Variants in B3GNT5 observed in about 807,000 individuals in gnomAD.
B3GNT5 encodes UDP-GlcNAc:betaGal beta-1,3-N-acetylglucosaminyltransferase 5.
In B3GNT5, 11 loss-of-function variants were observed where a neutral mutation model predicts 25.9. That is an observed-to-expected ratio of 0.42 (90% CI 0.27 to 0.70). The LOEUF is 0.70. Ranked by LOEUF, B3GNT5 falls within the 30% of genes least tolerant of loss-of-function variation. The pLI is 0.23. For synonymous variants in B3GNT5, 166 were observed against 158.6 expected (o/e 1.05, Z -0.35); for missense variants, 385 against 458.4 (o/e 0.84, Z 1.46).
chr3:183,261,442 G>A lies in B3GNT5; in HGVS notation c.-302+7970G>A, dbSNP rs917317278. ...GGACAGGAACTAAAAACTCTCCCAC[G>A]TGGGACTTTATTAAGTAATAAAAGT... On this transcript the variant is annotated intron_variant, in intron 1 of 1. Coordinates refer to ENST00000326505, the MANE Select transcript of B3GNT5 (RefSeq NM_032047.5). 3.9e-5 allele frequency among the ~76,000 whole-genome samples: 6 copies of A among 152,212 alleles called. No homozygotes were observed. The South Asian group carries it at 6.2e-4, about 16-fold the overall frequency.
At chr3:183,253,642 C>T (rs1417563103) in intron 1 of B3GNT5, 170 bp downstream of exon 1, 1 of 152,298 alleles carries the variant, frequency 6.6e-6, no homozygotes, top group African/African-American at 2.4e-5. Context: ...TAACAAGACC[C>T]GCCTGAGCCT....
At chr3:183,268,880 G>A (rs1047974841) in intron 1 of B3GNT5, among the ~76,000 whole-genome samples, 1 of 152,022 alleles carries the variant, frequency 6.6e-6, no homozygotes, top group Non-Finnish European at 1.5e-5. Context: ...ACATTGAGGC[G>A]CCTGCTGCAT....
At chr3:183,259,412 A>T (rs1409411127) in intron 1 of B3GNT5, among the ~76,000 whole-genome samples, 1 of 152,156 alleles carries the variant, frequency 6.6e-6, no homozygotes, top group Non-Finnish European at 1.5e-5. Flanking sequence ...TATTGATAGG[A>T]GAACTTGTAT....
chr3:183,260,185 G>A (rs917748071), intron 1 of B3GNT5, among the ~76,000 whole-genome samples: 1 of 152,056 alleles, frequency 6.6e-6, no homozygotes, highest in Non-Finnish European at 1.5e-5. Context: ...CGATGCCTCA[G>A]TATCTTCTGC....
chr3:183,256,383 TA>T (rs1308353370), intron 1 of B3GNT5, among the ~76,000 whole-genome samples: 1 of 152,190 alleles, frequency 6.6e-6, no homozygotes, highest in East Asian at 1.9e-4. Flanking sequence ...TACATATATA[TA>T]GGGGATGTAA....
rs2108451669 is a variant in B3GNT5, at chr3:183,272,799, T to C, written c.*1864T>C. On this transcript the variant is annotated 3_prime_UTR_variant, in exon 2 of 2. Transcript: ENST00000326505. ...TGCCCATATATACCCTGTGTATCTA[T>C]ACTTGGAAGTGTTTAAGGTTGCCAT... 6 of 1,170,262 alleles carry C rather than the reference T, an allele frequency of 5.1e-6. No individual in the cohort carries two copies. Among genetic ancestry groups the C allele is most frequent in the Non-Finnish European group, 6.4e-6 (6 of 937,636 alleles). 72.5% of individuals were successfully genotyped at this position (1,170,262 alleles called of 1,614,324 possible).
intron 1 of B3GNT5, among the ~76,000 whole-genome samples, chr3:183,257,681 C>A (rs13094489): frequency 0.16 from 24,167 of 152,162 alleles, 2,520 homozygotes; most frequent in Middle Eastern, 0.25. Flanking sequence ...AAGACAATGT[C>A]CAGAATGGGA....
chr3:183,258,012 G>A (rs9878798), intron 1 of B3GNT5, among the ~76,000 whole-genome samples: 1 of 113,556 alleles, frequency 8.8e-6, no homozygotes, highest in African/African-American at 3.4e-5. Flanking sequence ...CTGTTGCCCA[G>A]GCTGGAGTGC....
intron 1 of B3GNT5, chr3:183,265,248 G>A (rs1725987423): frequency 6.6e-6 from 1 of 152,222 alleles, no homozygotes; most frequent in African/African-American, 2.4e-5. Context: ...TAACCCTTGA[G>A]TTTCTAGTCT....
At chr3:183,261,473 T>C (rs925022677) in intron 1 of B3GNT5, among the ~76,000 whole-genome samples, 2 of 152,152 alleles carry the variant, frequency 1.3e-5, no homozygotes, top group Admixed American at 1.3e-4. Flanking sequence ...AAAGTTTAAA[T>C]GTAAAAGATA....
In B3GNT5 at chr3:183,269,901, A is replaced by C. The variant is rs1346382250; in HGVS notation, c.103A>C (p.Ile35Leu). The C allele has an allele frequency of 3.1e-6, 5 of 1,613,926 alleles. No homozygotes were observed. Among genetic ancestry groups the C allele is most frequent in the Non-Finnish European group, 3.4e-6 (4 of 1,180,012 alleles). The part of the protein sequence containing the change: ...LASLMFFWEP[I>L]DNHIVSHMKS... ...GAGCCTCATGTTTTTTTGGGAACCAATCGATAATCACATTGTGAGCCATAT... is the reference window on the plus strand; with the variant it reads ...GAGCCTCATGTTTTTTTGGGAACCACTCGATAATCACATTGTGAGCCATAT... Residue 35 changes from isoleucine to leucine, a missense_variant, in exon 2 of 2, where the codon ATC (isoleucine) becomes CTC (leucine). By Grantham distance (5) the Ile-to-Leu change is conservative. Coordinates refer to ENST00000326505, the MANE Select transcript of B3GNT5 (RefSeq NM_032047.5).
chr3:183,262,245 G>A (rs766282480), intron 1 of B3GNT5, among the ~76,000 whole-genome samples: 3 of 150,998 alleles, frequency 2.0e-5, no homozygotes, highest in Non-Finnish European at 4.4e-5. Context: ...GGTTAGTCTT[G>A]TTTTATGATA....
chr3:183,256,688 A>G (rs1560374054), intron 1 of B3GNT5, among the ~76,000 whole-genome samples: 3 of 152,148 alleles, frequency 2.0e-5, no homozygotes, highest in African/African-American at 4.8e-5. Flanking sequence ...CTCCTTTCCT[A>G]TAACTTCCTA....
At chr3:183,262,601 G>C (rs569630969) in intron 1 of B3GNT5, among the ~76,000 whole-genome samples, 2 of 152,034 alleles carry the variant, frequency 1.3e-5, no homozygotes, top group Non-Finnish European at 2.9e-5. Context: ...GGAATGGTGA[G>C]TGTTGGGGAA....
At chr3:183,261,128 C>A (rs1397217157) in intron 1 of B3GNT5, among the ~76,000 whole-genome samples, 3 of 152,178 alleles carry the variant, frequency 2.0e-5, no homozygotes, top group Non-Finnish European at 4.4e-5. Context: ...ACAGACTAGG[C>A]AATTAGTACC....
intron 1 of B3GNT5, among the ~76,000 whole-genome samples, chr3:183,255,486 G>A (rs1374872963): frequency 2.0e-5 from 3 of 152,166 alleles, no homozygotes; most frequent in Admixed American, 6.5e-5. Flanking sequence ...CACACGCTCT[G>A]AGCATTGACT....
chr3:183,265,610 G>A (rs946475623), intron 1 of B3GNT5: 1 of 152,310 alleles, frequency 6.6e-6, no homozygotes, highest in African/African-American at 2.4e-5. Context: ...CAGGCCGGGG[G>A]AGGGCAGTGC....
intron 1 of B3GNT5, chr3:183,266,173 G>A (rs1255767972): frequency 6.6e-6 from 1 of 152,238 alleles, no homozygotes; most frequent in East Asian, 1.9e-4. Flanking sequence ...CCTTTAATGA[G>A]TCAGATAGAT....
Position 183,273,061 on chromosome 3 carries a change from G to C in B3GNT5, c.*2126G>C. On this transcript the variant is annotated 3_prime_UTR_variant, in exon 2 of 2. Coordinates refer to ENST00000326505, the MANE Select transcript of B3GNT5 (RefSeq NM_032047.5). ...ACACTTACTTAAAGTACTGAGAAGA[G>C]TATCTGTAAATAAAAGGGTTCCAAC... 6.7e-7 allele frequency: 1 copy of C among 1,482,986 alleles called. No homozygotes were observed. Among genetic ancestry groups the C allele is most frequent in the Non-Finnish European group, 9.0e-7 (1 of 1,112,856 alleles). The allele number at this position is 1,482,986 out of a possible 1,614,324, so 91.9% of individuals were successfully genotyped here.
Sources: allele counts gnomAD v4.1 joint callset (sites outside exome capture counted in the v4.1 genomes callset), GRCh38; gene constraint gnomAD v4.1.1; transcripts MANE v1.5; gene names NCBI Gene and HGNC (gene_info 2026-07-23, HGNC 2026-07-21).